The following TAL2 variants were observed in gnomAD, a reference collection of about 807,000 sequenced individuals.
The protein encoded by TAL2 is T-cell acute lymphocytic leukemia protein 2.
For synonymous variants in TAL2, 48 were observed against 52.4 expected (o/e 0.92, Z 0.36); for missense variants, 114 against 129.6 (o/e 0.88, Z 0.58).
In TAL2 at chr9:105,662,908, C is replaced by A; in HGVS notation, c.*85C>A. On this transcript the variant is annotated 3_prime_UTR_variant, in exon 1 of 1. Transcript: ENST00000334077. ...AGACTTTTGCATGTTCCAGAGTTGACCTGATGATAACTCGTGAAGCATGAA... is the reference window on the plus strand; with the variant it reads ...AGACTTTTGCATGTTCCAGAGTTGAACTGATGATAACTCGTGAAGCATGAA... 9.2e-7 allele frequency: 1 copy of A among 1,090,516 alleles called. No homozygotes were observed. 67.6% of individuals were successfully genotyped at this position (1,090,516 alleles called of 1,614,324 possible).
Position 105,662,642 on chromosome 9 carries a change from G to A in TAL2, c.146G>A (p.Arg49Lys), listed in dbSNP as rs1834854832. 2 of 1,613,896 alleles carry A rather than the reference G, an allele frequency of 1.2e-6. No homozygotes were observed. Among genetic ancestry groups the A allele is most frequent in the African/African-American group, 1.3e-5 (1 of 74,906 alleles). Residue 49 changes from arginine to lysine, a missense_variant, in exon 1 of 1, where the codon AGG becomes AAG. Arg to Lys is a conservative substitution (Grantham distance 26). Transcript: ENST00000334077. Reference sequence around the variant, plus strand: ...AATGAAACGCTTCGCCTGGCAATGAGGTATATCAACTTCTTGGTCAAGGTC... The same window carrying A: ...AATGAAACGCTTCGCCTGGCAATGAAGTATATCAACTTCTTGGTCAAGGTC... ...SKNETLRLAM[R>K]YINFLVKVLG... is the part of the protein sequence containing the mutation.
In TAL2 at chr9:105,662,872, T is replaced by G. The variant is rs756883624; in HGVS notation, c.*49T>G. ...AGGGCAGCACTTGCCCAGAAATCAC[T>G]GCCTGTGGACAGACTTTTGCATGTT... On this transcript the variant is annotated 3_prime_UTR_variant, in exon 1 of 1. Transcript: ENST00000334077. 21 of 1,394,466 alleles carry G rather than the reference T, an allele frequency of 1.5e-5. No individual in the cohort carries two copies. The East Asian group carries it at 5.1e-4, about 34-fold the overall frequency. The allele number at this position is 1,394,466 out of a possible 1,614,324, so 86.4% of individuals were successfully genotyped here.
chr9:105,662,843 TC>T lies in TAL2; in HGVS notation c.*23del. ...CCTTAGTGTGGCTCTGGCTGTCATC[TC>T]CCAGGGCAGCACTTGCCCAGAAATC... On this transcript the variant is annotated 3_prime_UTR_variant, in exon 1 of 1. Transcript: ENST00000334077. The T allele has an allele frequency of 6.8e-7, 1 of 1,474,404 alleles. No homozygotes were observed. Among genetic ancestry groups the T allele is most frequent in the Non-Finnish European group, 9.0e-7 (1 of 1,112,476 alleles). The allele number at this position is 1,474,404 out of a possible 1,614,324, so 91.3% of individuals were successfully genotyped here. A position where few individuals can be genotyped will look rare whatever the true frequency, so the allele number is the denominator to read the frequency against.
chr9:105,663,048 C>G lies in TAL2; in HGVS notation c.*225C>G. 1 of 398,246 alleles carries G rather than the reference C, an allele frequency of 2.5e-6. No homozygotes were observed. Among genetic ancestry groups the G allele is most frequent in the Non-Finnish European group, 4.6e-6 (1 of 218,088 alleles). 24.7% of individuals were successfully genotyped at this position (398,246 alleles called of 1,614,324 possible). A position where few individuals can be genotyped will look rare whatever the true frequency, so the allele number is the denominator to read the frequency against. ...GGATGTCAGGTAGAGCGGCCTACCT[C>G]TGCCTATTTTAAATCCAGGTTCTGC... On this transcript the variant is annotated 3_prime_UTR_variant, in exon 1 of 1. Coordinates refer to ENST00000334077, the MANE Select transcript of TAL2 (RefSeq NM_005421.3).
rs1296839487 is a variant in TAL2 at position 105,662,724 on chromosome 9, G to A, written c.228G>A (p.Gly76=). Residue 76 remains glycine, a synonymous_variant, in exon 1 of 1, where the codon GGG becomes GGA. Transcript: ENST00000334077. ...TGGCTGCTCAGGGGAACATTCTGGGGCTCTTCCCTCAAGGACCCCACCTGC... is the reference window on the plus strand; with the variant it reads ...TGGCTGCTCAGGGGAACATTCTGGGACTCTTCCCTCAAGGACCCCACCTGC... The part of the protein sequence containing the change: ...TGVAAQGNIL[G]LFPQGPHLPG... 5.6e-6 allele frequency: 9 copies of A among 1,603,772 alleles called. No individual in the cohort carries two copies. Among genetic ancestry groups the A allele is most frequent in the Non-Finnish European group, 6.8e-6 (8 of 1,174,936 alleles).
rs1041060238 is a variant in TAL2, at chr9:105,662,557, G to A, written c.61G>A (p.Ala21Thr). 4.3e-6 allele frequency: 7 copies of A among 1,613,876 alleles called. No individual in the cohort carries two copies. The highest frequency in any genetic ancestry group is 1.7e-5 in the Admixed American group (1 of 59,952). ...GTGGAGGCAGCAGAATGTCAACAGC[G>A]CCTTTGCCAAGCTGAGGAAGCTCAT... ...ERWRQQNVNSAFAKLRKLIPT... is the reference protein window; with the variant it reads ...ERWRQQNVNSTFAKLRKLIPT... Residue 21 changes from alanine (A) to threonine (T), a missense_variant, in exon 1 of 1, where the codon GCC (alanine) becomes ACC (threonine). Coordinates refer to ENST00000334077, the MANE Select transcript of TAL2 (RefSeq NM_005421.3).
Position 105,663,075 on chromosome 9 carries a change from T to A in TAL2, c.*252T>A. Reference sequence around the variant, plus strand: ...GCCTATTTTAAATCCAGGTTCTGCATAAGACTTTTGGAGAAAAAATTCTAA... The same window carrying A: ...GCCTATTTTAAATCCAGGTTCTGCAAAAGACTTTTGGAGAAAAAATTCTAA... On this transcript the variant is annotated 3_prime_UTR_variant, in exon 1 of 1. Coordinates refer to ENST00000334077, the MANE Select transcript of TAL2 (RefSeq NM_005421.3). 3 of 366,616 alleles carry A rather than the reference T, an allele frequency of 8.2e-6. No homozygotes were observed. Among genetic ancestry groups the A allele is most frequent in the Non-Finnish European group, 1.0e-5 (2 of 198,844 alleles). 22.7% of individuals were successfully genotyped at this position (366,616 alleles called of 1,614,324 possible).
Position 105,663,101 on chromosome 9 carries a change from A to AT in TAL2, c.*279dup, listed in dbSNP as rs1564373968. Reference sequence around the variant, plus strand: ...AAGACTTTTGGAGAAAAAATTCTAAATAAAAAAAAAAAAAGGCTGAAAATC... The same window carrying AT: ...AAGACTTTTGGAGAAAAAATTCTAAATTAAAAAAAAAAAAAGGCTGAAAATC... On this transcript the variant is annotated 3_prime_UTR_variant, in exon 1 of 1. Coordinates refer to ENST00000334077, the MANE Select transcript of TAL2 (RefSeq NM_005421.3). The AT allele has an allele frequency of 2.4e-5, 8 of 332,836 alleles. No individual in the cohort carries two copies. The highest frequency in any genetic ancestry group is 5.6e-6 in the Non-Finnish European group (1 of 179,310). The allele number at this position is 332,836 out of a possible 1,614,324, so 20.6% of individuals were successfully genotyped here.
In TAL2 at chr9:105,662,904, T is replaced by C. The variant is rs1233780499; in HGVS notation, c.*81T>C. On this transcript the variant is annotated 3_prime_UTR_variant, in exon 1 of 1. Transcript: ENST00000334077. ...GGACAGACTTTTGCATGTTCCAGAG[T>C]TGACCTGATGATAACTCGTGAAGCA... The C allele has an allele frequency of 2.4e-5, 27 of 1,135,016 alleles. No individual in the cohort carries two copies. Among genetic ancestry groups the C allele is most frequent in the Admixed American group, 3.8e-5 (1 of 26,624 alleles). The allele number at this position is 1,135,016 out of a possible 1,614,324, so 70.3% of individuals were successfully genotyped here. A position where few individuals can be genotyped will look rare whatever the true frequency, so the allele number is the denominator to read the frequency against.
At position 105,662,725 on chromosome 9, in the gene TAL2, C is replaced by A; in HGVS notation, c.229C>A (p.Leu77Ile). 1 of 1,602,726 alleles carries A rather than the reference C, an allele frequency of 6.2e-7. No homozygotes were observed. The highest frequency in any genetic ancestry group is 8.5e-7 in the Non-Finnish European group (1 of 1,174,376). The change falls in exon 1 of 1, where the codon CTC (leucine) becomes ATC (isoleucine). Residue 77 changes from leucine (L) to isoleucine (I), a missense_variant. By Grantham distance (5) the Leu-to-Ile change is conservative. Transcript: ENST00000334077. ...GVAAQGNILGLFPQGPHLPGL... is the reference protein window; with the variant it reads ...GVAAQGNILGIFPQGPHLPGL... ...GGCTGCTCAGGGGAACATTCTGGGG[C>A]TCTTCCCTCAAGGACCCCACCTGCC...
At position 105,662,943 on chromosome 9, in the gene TAL2, C is replaced by T; in HGVS notation, c.*120C>T. On this transcript the variant is annotated 3_prime_UTR_variant, in exon 1 of 1. Coordinates refer to ENST00000334077, the MANE Select transcript of TAL2 (RefSeq NM_005421.3). ...ACTCGTGAAGCATGAATTCTAGCTT[C>T]CTGGGAGGTGGCTCAGAGACAGCTG... The T allele has an allele frequency of 1.2e-6, 1 of 821,728 alleles. No individual in the cohort carries two copies. Among genetic ancestry groups the T allele is most frequent in the Non-Finnish European group, 1.7e-6 (1 of 592,920 alleles). The allele number at this position is 821,728 out of a possible 1,614,324, so 50.9% of individuals were successfully genotyped here.
Position 105,662,865 on chromosome 9 carries a change from A to C in TAL2, c.*42A>C. 7.0e-7 allele frequency: 1 copy of C among 1,420,344 alleles called. No individual in the cohort carries two copies. Among genetic ancestry groups the C allele is most frequent in the African/African-American group, 1.4e-5 (1 of 69,210 alleles). 88.0% of individuals were successfully genotyped at this position (1,420,344 alleles called of 1,614,324 possible). ...ATCTCCCAGGGCAGCACTTGCCCAG[A>C]AATCACTGCCTGTGGACAGACTTTT... On this transcript the variant is annotated 3_prime_UTR_variant, in exon 1 of 1. Transcript: ENST00000334077.
rs140758015 is a variant in TAL2 at position 105,662,825 on chromosome 9, G to A, written c.*2G>A. On this transcript the variant is annotated 3_prime_UTR_variant, in exon 1 of 1. Coordinates refer to ENST00000334077, the MANE Select transcript of TAL2 (RefSeq NM_005421.3). ...GGTCCAAGCCACCACATTCCTTAGT[G>A]TGGCTCTGGCTGTCATCTCCCAGGG... 2 of 1,494,302 alleles carry A rather than the reference G, an allele frequency of 1.3e-6. No individual in the cohort carries two copies. Among genetic ancestry groups the A allele is most frequent in the African/African-American group, 2.8e-5 (2 of 70,956 alleles). 92.6% of individuals were successfully genotyped at this position (1,494,302 alleles called of 1,614,324 possible). A position where few individuals can be genotyped will look rare whatever the true frequency, so the allele number is the denominator to read the frequency against.
chr9:105,662,467 C>T lies in TAL2; in HGVS notation c.-30C>T. The T allele has an allele frequency of 2.6e-6, 4 of 1,556,648 alleles. No individual in the cohort carries two copies. The highest frequency in any genetic ancestry group is 3.5e-6 in the Non-Finnish European group (4 of 1,154,206). On this transcript the variant is annotated 5_prime_UTR_variant, in exon 1 of 1. Coordinates refer to ENST00000334077, the MANE Select transcript of TAL2 (RefSeq NM_005421.3). Reference sequence around the variant, plus strand: ...CTTATAAGATATTGGCCCTGAGGGCCCTTTCTCTTTCCATCTCAGGAACTC... The same window carrying T: ...CTTATAAGATATTGGCCCTGAGGGCTCTTTCTCTTTCCATCTCAGGAACTC...
rs777274983 is a variant in TAL2 at position 105,662,717 on chromosome 9, T to C, written c.221T>C (p.Ile74Thr). The C allele has an allele frequency of 1.9e-6, 3 of 1,606,746 alleles. No homozygotes were observed. Among genetic ancestry groups the C allele is most frequent in the African/African-American group, 2.7e-5 (2 of 74,644 alleles). The change falls in exon 1 of 1, where the codon ATT becomes ACT. Residue 74 changes from isoleucine (I) to threonine (T), a missense_variant. Physicochemically the swap from Ile to Thr is moderately conservative, Grantham distance 89 (BLOSUM62 -1). Transcript: ENST00000334077. ...ACGGGAGTGGCTGCTCAGGGGAACA[T>C]TCTGGGGCTCTTCCCTCAAGGACCC... ...QQTGVAAQGN[I>T]LGLFPQGPHL...
At position 105,662,687 on chromosome 9, in the gene TAL2, A is replaced by C; in HGVS notation, c.191A>C (p.Gln64Pro). 6.2e-7 allele frequency: 1 copy of C among 1,613,332 alleles called. No homozygotes were observed. The highest frequency in any genetic ancestry group is 1.7e-5 in the Admixed American group (1 of 59,906). The change falls in exon 1 of 1, where the codon CAA becomes CCA. Residue 64 changes from glutamine (Q) to proline (P), a missense_variant. By Grantham distance (76) the Gln-to-Pro change is moderately conservative. Coordinates refer to ENST00000334077, the MANE Select transcript of TAL2 (RefSeq NM_005421.3). ...AAGGTCTTGGGGGAGCAAAGCCTGC[A>C]ACAAACGGGAGTGGCTGCTCAGGGG... ...LVKVLGEQSL[Q>P]QTGVAAQGNI...
Position 105,662,595 on chromosome 9 carries a change from T to G in TAL2, c.99T>G (p.Pro33=). Residue 33 remains proline, a synonymous_variant, in exon 1 of 1, where the codon CCT becomes CCG. Transcript: ENST00000334077. ...AKLRKLIPTH[P]PDKKLSKNET... ...TGAGGAAGCTCATCCCCACTCACCC[T>G]CCAGACAAAAAGCTGAGCAAAAATG... is the stretch of plus-strand genomic sequence containing the variant. 3 of 1,613,924 alleles carry G rather than the reference T, an allele frequency of 1.9e-6. No individual in the cohort carries two copies. The highest frequency in any genetic ancestry group is 2.5e-6 in the Non-Finnish European group (3 of 1,179,954).
In TAL2 at chr9:105,662,742, C is replaced by G. The variant is rs1249415768; in HGVS notation, c.246C>G (p.Pro82=). Reference sequence around the variant, plus strand: ...TTCTGGGGCTCTTCCCTCAAGGACCCCACCTGCCAGGCCTGGAGGACAGAA... The same window carrying G: ...TTCTGGGGCTCTTCCCTCAAGGACCGCACCTGCCAGGCCTGGAGGACAGAA... ...GNILGLFPQG[P]HLPGLEDRTL... Residue 82 remains proline (P), a synonymous_variant, in exon 1 of 1, where the codon CCC becomes CCG. Transcript: ENST00000334077. The G allele has an allele frequency of 6.3e-7, 1 of 1,587,238 alleles. No homozygotes were observed. Among genetic ancestry groups the G allele is most frequent in the Non-Finnish European group, 8.6e-7 (1 of 1,166,728 alleles).
rs1273295562 is a variant in TAL2 at position 105,662,917 on chromosome 9, A to T, written c.*94A>T. 9.9e-7 allele frequency: 1 copy of T among 1,008,126 alleles called. No homozygotes were observed. The highest frequency in any genetic ancestry group is 1.7e-5 in the African/African-American group (1 of 59,806). 62.4% of individuals were successfully genotyped at this position (1,008,126 alleles called of 1,614,324 possible). ...CATGTTCCAGAGTTGACCTGATGAT[A>T]ACTCGTGAAGCATGAATTCTAGCTT... On this transcript the variant is annotated 3_prime_UTR_variant, in exon 1 of 1. Coordinates refer to ENST00000334077, the MANE Select transcript of TAL2 (RefSeq NM_005421.3).
Sources: gnomAD v4.1 joint callset for allele counts on GRCh38, gnomAD v4.1.1 for gene constraint, MANE v1.5 for transcripts, NCBI Gene and HGNC (gene_info 2026-07-23, HGNC 2026-07-21) for gene names.